Variants in TRIM66 observed in about 807,000 individuals in gnomAD.
TRIM66 encodes tripartite motif-containing protein 66.
In TRIM66, 99 loss-of-function variants were observed where a neutral mutation model predicts 148.2. The observed-to-expected ratio is 0.67, with a 90% confidence interval of 0.57 to 0.79. The LOEUF is 0.79. Among genes scored for constraint, TRIM66 ranks in the 30% least tolerant of loss-of-function variants. TRIM66 has a pLI of 0.00. For missense variants in TRIM66, 1,666 were observed against 1,697.9 expected (o/e 0.98, Z 0.33); for synonymous variants, 616 against 635.9 (o/e 0.97, Z 0.47).
Position 8,647,013 on chromosome 11 carries a change from CATA to C in TRIM66, c.843-455_843-453del, listed in dbSNP as rs572429479. ...TGACTAATAATGTTTATATTATTGG[CATA>C]ATAACATATTATATAATAAACATAT... is the stretch of plus-strand genomic sequence containing the variant. On this transcript the variant is annotated intron_variant, in intron 10 of 24. Coordinates refer to ENST00000646038, the MANE Select transcript of TRIM66 (RefSeq NM_001388022.1). Among the ~76,000 whole-genome samples the C allele has an allele frequency of 2.0e-3, 296 of 148,190 alleles. 2 individuals are homozygous for C. The highest frequency in any genetic ancestry group is 7.2e-3 in the African/African-American group (290 of 40,406).
At position 8,616,883 on chromosome 11, in the gene TRIM66, T is replaced by G. The variant is rs1040910261; in HGVS notation, c.*1061A>C. 6.6e-6 allele frequency: 1 copy of G among 152,212 alleles called. No homozygotes were observed. Among genetic ancestry groups the G allele is most frequent in the Admixed American group, 6.5e-5 (1 of 15,284 alleles). The allele number at this position is 152,212 out of a possible 1,614,324, so 9.4% of individuals were successfully genotyped here. A position where few individuals can be genotyped will look rare whatever the true frequency, so the allele number is the denominator to read the frequency against. ...CCTGGAGGCGGGCTGGTCAGAAGAC[T>G]CACTTCTGATCTTTGGCTCATGAAC... On this transcript the variant is annotated 3_prime_UTR_variant, in exon 25 of 25. Coordinates refer to ENST00000646038, the MANE Select transcript of TRIM66 (RefSeq NM_001388022.1).
intron 15 of TRIM66, among the ~76,000 whole-genome samples, 194 bp downstream of exon 15, chr11:8,638,460 G>T (rs928606456): frequency 2.6e-5 from 4 of 152,176 alleles, no homozygotes; most frequent in African/African-American, 4.8e-5. Context: ...AGTGTGCGTG[G>T]GGGAGTGGAA....
chr11:8,652,179 A>G lies in TRIM66; in HGVS notation c.341-276T>C, dbSNP rs118065095. ...CCTGCCCCATAAACCATGCTACTACAGGCCCAACGCTGCTTTGGTTCTGAC... is the reference window on the plus strand; with the variant it reads ...CCTGCCCCATAAACCATGCTACTACGGGCCCAACGCTGCTTTGGTTCTGAC... On this transcript the variant is annotated intron_variant, in intron 6 of 24. Transcript: ENST00000646038. Among the ~76,000 whole-genome samples, 4 of 151,996 alleles carry G rather than the reference A, an allele frequency of 2.6e-5. No homozygotes were observed. In the East Asian group the frequency reaches 7.7e-4, roughly 29 times the overall value.
chr11:8,675,248 T>C (rs1443005891), intron 3 of TRIM66, among the ~76,000 whole-genome samples: 3 of 152,372 alleles, frequency 2.0e-5, no homozygotes, highest in South Asian at 2.1e-4. Context: ...GCCAAATTCA[T>C]GGAGGCAGCA....
At chr11:8,628,328 C>G (rs1045056165) in intron 15 of TRIM66, among the ~76,000 whole-genome samples, 1 of 151,648 alleles carries the variant, frequency 6.6e-6, no homozygotes, top group Non-Finnish European at 1.5e-5. Context: ...AGATCCAGAT[C>G]TTGGTTGGGC....
chr11:8,670,007 G>GTT (rs752586311), intron 6 of TRIM66, among the ~76,000 whole-genome samples: 58 of 138,518 alleles, frequency 4.2e-4, no homozygotes, highest in East Asian at 9.5e-4. Flanking sequence ...GTCTTGTTTT[G>GTT]TTTTTATTTA....
At chr11:8,658,436 C>T (rs1465771783) in intron 6 of TRIM66, among the ~76,000 whole-genome samples, 1 of 152,192 alleles carries the variant, frequency 6.6e-6, no homozygotes, top group Non-Finnish European at 1.5e-5. Flanking sequence ...AATCCTTCAG[C>T]CCTCCATGTT....
At chr11:8,658,634 C>A (rs768255519) in intron 6 of TRIM66, 1 of 333,580 alleles carries the variant, frequency 3.0e-6, no homozygotes, top group Non-Finnish European at 4.3e-6. Flanking sequence ...AATGGAATAA[C>A]AGGCTCACGC....
At chr11:8,660,977 T>C (rs568091634) in intron 6 of TRIM66, among the ~76,000 whole-genome samples, 72 of 152,324 alleles carry the variant, frequency 4.7e-4, no homozygotes, top group African/African-American at 1.5e-3. Flanking sequence ...ATGAAAAGAC[T>C]TGGAGGCCAT....
chr11:8,671,005 T>G (rs2038901375), intron 6 of TRIM66, among the ~76,000 whole-genome samples: 1 of 152,230 alleles, frequency 6.6e-6, no homozygotes, highest in Non-Finnish European at 1.5e-5. Context: ...ATTAAGAGTG[T>G]GGGCCGGGTG....
intron 9 of TRIM66, 110 bp from the exon 10 acceptor site, chr11:8,648,196 G>T: frequency 8.4e-7 from 1 of 1,193,630 alleles, no homozygotes; most frequent in Non-Finnish European, 1.2e-6. Context: ...CATGGAAGCT[G>T]TGATGACTTC....
At chr11:8,661,152 G>A (rs192928000) in intron 6 of TRIM66, among the ~76,000 whole-genome samples, 1 of 152,216 alleles carries the variant, frequency 6.6e-6, no homozygotes, top group Non-Finnish European at 1.5e-5. Flanking sequence ...CTGTAGGAAA[G>A]AATAGGGAAT....
At position 8,648,535 on chromosome 11, in the gene TRIM66, A is replaced by T; in HGVS notation, c.606T>A (p.Gly202=). The T allele has an allele frequency of 6.4e-7, 1 of 1,551,692 alleles. No homozygotes were observed. Among genetic ancestry groups the T allele is most frequent in the Non-Finnish European group, 8.7e-7 (1 of 1,146,998 alleles). The stretch of plus-strand genomic sequence containing the variant: ...GACAATACAAGGTGAAGTCTCCGGG[A>T]CCACCATTCACTCCTGCCAGAGAAG... ...AQKGSPGVNG[G]PGDFTLYCPL... Residue 202 remains glycine (G), a synonymous_variant, in exon 9 of 25, where the codon GGT becomes GGA. Transcript: ENST00000646038.
At position 8,679,176 on chromosome 11, in the gene TRIM66, C is replaced by T. The variant is rs191718493; in HGVS notation, c.-190+444G>A. ...GCTACTCCACTTTGCAGACAGAAAACTCAGCTTTGTCTGCTCTCTCAGACC... is the reference window on the plus strand; with the variant it reads ...GCTACTCCACTTTGCAGACAGAAAATTCAGCTTTGTCTGCTCTCTCAGACC... On this transcript the variant is annotated intron_variant, in intron 3 of 24. Transcript: ENST00000646038. 7 of 152,394 alleles carry T rather than the reference C, an allele frequency of 4.6e-5. No individual in the cohort carries two copies. The East Asian group carries it at 1.3e-3, about 29-fold the overall frequency. The allele number at this position is 152,394 out of a possible 1,614,324, so 9.4% of individuals were successfully genotyped here. A position where few individuals can be genotyped will look rare whatever the true frequency, so the allele number is the denominator to read the frequency against.
rs1400943964 is a variant in TRIM66, at chr11:8,672,280, C to T, written c.-6G>A. The T allele has an allele frequency of 6.5e-7, 1 of 1,536,136 alleles. No individual in the cohort carries two copies. The highest frequency in any genetic ancestry group is 2.4e-5 in the East Asian group (1 of 40,912). On this transcript the variant is annotated 5_prime_UTR_variant, in exon 5 of 25. Coordinates refer to ENST00000646038, the MANE Select transcript of TRIM66 (RefSeq NM_001388022.1). The stretch of plus-strand genomic sequence containing the variant: ...CAAAAAGAGAGTCTAGCCATCTCTG[C>T]CGTGGAAAACAAAGCGTGGAGGTGT...
intron 4 of TRIM66, among the ~76,000 whole-genome samples, chr11:8,674,127 C>T (rs1434316746): frequency 6.6e-6 from 1 of 152,222 alleles, no homozygotes; most frequent in Non-Finnish European, 1.5e-5. Context: ...GCCAGTAGTT[C>T]TCAAACTTTT....
chr11:8,615,101 GTAT>G lies in TRIM66; in HGVS notation c.*2840_*2842del, dbSNP rs2033641294. ...GTGCCATCACACCTGGCTGATATTTGTATTTTTAGTAGAGACAGGGTTTCACTA... is the reference window on the plus strand; with the variant it reads ...GTGCCATCACACCTGGCTGATATTTGTTTTAGTAGAGACAGGGTTTCACTA... On this transcript the variant is annotated 3_prime_UTR_variant, in exon 25 of 25. Transcript: ENST00000646038. 6.6e-6 allele frequency: 1 copy of G among 152,158 alleles called. No homozygotes were observed. The highest frequency in any genetic ancestry group is 1.5e-5 in the Non-Finnish European group (1 of 68,072). 9.4% of individuals were successfully genotyped at this position (152,158 alleles called of 1,614,324 possible).
Position 8,671,850 on chromosome 11 carries a change from G to A in TRIM66, c.276C>T (p.Asp92=), listed in dbSNP as rs555791170. Reference sequence around the variant, plus strand: ...GCTCCTGTATCAAGCCCTGGAAGCAGTCCTTACGGAGCAAATGCTGGCAGG... The same window carrying A: ...GCTCCTGTATCAAGCCCTGGAAGCAATCCTTACGGAGCAAATGCTGGCAGG... ...LLSCQHLLRK[D]CFQGLIQELG... Residue 92 remains aspartate (D), a synonymous_variant, in exon 6 of 25, where the codon GAC becomes GAT. Coordinates refer to ENST00000646038, the MANE Select transcript of TRIM66 (RefSeq NM_001388022.1). 2.0e-5 allele frequency: 30 copies of A among 1,533,230 alleles called. No individual in the cohort carries two copies. The East Asian group carries it at 7.3e-4, about 37-fold the overall frequency. 95.0% of individuals were successfully genotyped at this position (1,533,230 alleles called of 1,614,324 possible). A position where few individuals can be genotyped will look rare whatever the true frequency, so the allele number is the denominator to read the frequency against.
At chr11:8,679,211 C>T (rs2039311085) in intron 3 of TRIM66, 1 of 152,232 alleles carries the variant, frequency 6.6e-6, no homozygotes, top group Admixed American at 6.5e-5. Context: ...CTCTGTCAAC[C>T]TAGGAAAAGT....
Sources: gnomAD v4.1 joint callset for allele counts (sites outside exome capture counted in the v4.1 genomes callset) on GRCh38, gnomAD v4.1.1 for gene constraint, MANE v1.5 for transcripts, NCBI Gene and HGNC (gene_info 2026-07-23, HGNC 2026-07-21) for gene names.